Variants in CCSER1 observed in about 807,000 individuals in gnomAD.
CCSER1 encodes the protein coiled-coil serine rich protein 1, also known as serine-rich coiled-coil domain-containing protein 1.
Under a neutral mutation model 82.0 loss-of-function variants are expected in CCSER1, and 41 were observed. The observed-to-expected ratio is 0.50, with a 90% CI of 0.39 to 0.65. The LOEUF (loss-of-function observed/expected upper bound fraction) is 0.65, where lower values mean the gene tolerates loss of function less well. CCSER1 is among the 30% of genes least tolerant of loss of function. The probability of loss-of-function intolerance (pLI) is 0.00; values close to 1 mark genes in which losing one functional copy is unlikely to be tolerated. For synonymous variants in CCSER1, 414 were observed against 383.9 expected (o/e 1.08, Z -0.92); for missense variants, 1,119 against 1,064.2 (o/e 1.05, Z -0.72).
chr4:91,158,175 G>C (rs548940377), intron 10 of CCSER1, among the ~76,000 whole-genome samples: 2 of 151,950 alleles, frequency 1.3e-5, no homozygotes, highest in African/African-American at 2.4e-5. Flanking sequence ...ACAGTATTTT[G>C]CACTTTCAGA....
At chr4:90,801,415 A>G (rs1243659660) in intron 7 of CCSER1, among the ~76,000 whole-genome samples, 1 of 152,150 alleles carries the variant, frequency 6.6e-6, no homozygotes, top group African/African-American at 2.4e-5. Context: ...CCTCTGTACA[A>G]ATGTAAGGTG....
At chr4:91,079,326 G>C (rs1198197981) in intron 9 of CCSER1, among the ~76,000 whole-genome samples, 2 of 152,108 alleles carry the variant, frequency 1.3e-5, no homozygotes, top group African/African-American at 2.4e-5. Flanking sequence ...GCCAAACTAA[G>C]CTTCATAAGG....
intron 10 of CCSER1, among the ~76,000 whole-genome samples, chr4:91,224,990 C>A (rs2149105690): frequency 6.6e-6 from 1 of 150,834 alleles, no homozygotes; most frequent in African/African-American, 2.4e-5. Flanking sequence ...CAAGATGCTA[C>A]CCCTGAAAAT....
intron 5 of CCSER1, among the ~76,000 whole-genome samples, chr4:90,568,209 G>A (rs763173776): frequency 7.2e-5 from 11 of 152,176 alleles, no homozygotes; most frequent in Admixed American, 2.6e-4. Context: ...TAAGTCGGAT[G>A]TTTCCTTATT....
intron 5 of CCSER1, among the ~76,000 whole-genome samples, chr4:90,610,502 A>C (rs73833729): frequency 0.04 from 6,130 of 152,128 alleles, 408 homozygotes; most frequent in African/African-American, 0.14. Context: ...GATACATATG[A>C]TATAAATATT....
chr4:91,159,334 T>C (rs1213975054), intron 10 of CCSER1, among the ~76,000 whole-genome samples: 2 of 151,926 alleles, frequency 1.3e-5, no homozygotes, highest in African/African-American at 4.8e-5. Flanking sequence ...TTGGAAACCA[T>C]ATTAATTATT....
At chr4:91,179,870 G>A (rs964687000) in intron 10 of CCSER1, among the ~76,000 whole-genome samples, 2 of 152,214 alleles carry the variant, frequency 1.3e-5, no homozygotes, top group African/African-American at 4.8e-5. Context: ...CATTCCTTTG[G>A]AGGAGAAGAG....
At chr4:90,434,149 A>G (rs1758696574) in intron 4 of CCSER1, among the ~76,000 whole-genome samples, 1 of 152,108 alleles carries the variant, frequency 6.6e-6, no homozygotes, top group African/African-American at 2.4e-5. Flanking sequence ...ACAGAATTCT[A>G]GTTTATCCCT....
At chr4:90,648,000 C>T (rs923701199) in intron 6 of CCSER1, among the ~76,000 whole-genome samples, 8 of 152,024 alleles carry the variant, frequency 5.3e-5, no homozygotes, top group South Asian at 2.1e-4. Context: ...ATAATTTATA[C>T]GATATTTTAA....
intron 5 of CCSER1, among the ~76,000 whole-genome samples, chr4:90,518,786 A>G (rs1361200688): frequency 6.6e-6 from 1 of 151,928 alleles, no homozygotes; most frequent in Non-Finnish European, 1.5e-5. Flanking sequence ...TTAATCTTAT[A>G]AAGGCTAAAT....
chr4:90,878,560 T>G (rs2150061173), intron 8 of CCSER1, among the ~76,000 whole-genome samples: 1 of 152,254 alleles, frequency 6.6e-6, no homozygotes, highest in East Asian at 1.9e-4. Context: ...GTGCATGGTC[T>G]AAAATATCAA....
intron 8 of CCSER1, among the ~76,000 whole-genome samples, chr4:90,922,332 G>T (rs777386624): frequency 6.6e-6 from 1 of 151,998 alleles, no homozygotes; most frequent in Non-Finnish European, 1.5e-5. Flanking sequence ...AACAGGAAAG[G>T]AAGGGAGGTG....
chr4:91,020,031 A>G (rs2150523959), intron 9 of CCSER1, among the ~76,000 whole-genome samples: 1 of 152,362 alleles, frequency 6.6e-6, no homozygotes, highest in South Asian at 2.1e-4. Flanking sequence ...ATGAGAGTTA[A>G]TCAGAGCTCC....
intron 6 of CCSER1, among the ~76,000 whole-genome samples, chr4:90,703,636 C>G (rs1040706880): frequency 2.6e-5 from 4 of 151,958 alleles, no homozygotes; most frequent in Admixed American, 6.6e-5. Context: ...CTAAGGACTT[C>G]CTTTATGAAT....
chr4:91,570,106 T>A (rs1306556775), intron 10 of CCSER1, among the ~76,000 whole-genome samples: 1 of 152,152 alleles, frequency 6.6e-6, no homozygotes, highest in Non-Finnish European at 1.5e-5. Context: ...TGCAAAATGA[T>A]CTCCTTTGAC....
At chr4:90,673,888 T>G (rs1733287787) in intron 6 of CCSER1, among the ~76,000 whole-genome samples, 1 of 152,022 alleles carries the variant, frequency 6.6e-6, no homozygotes, top group African/African-American at 2.4e-5. Flanking sequence ...AGCCAGTAAT[T>G]GGGGTGACCA....
chr4:90,186,527 ACTG>A (rs1734646640), intron 1 of CCSER1, among the ~76,000 whole-genome samples: 1 of 151,986 alleles, frequency 6.6e-6, no homozygotes, highest in Non-Finnish European at 1.5e-5. Flanking sequence ...AAATGAGTAA[ACTG>A]CTTCTCAGTA....
chr4:90,523,028 T>C (rs1773327137), intron 5 of CCSER1, among the ~76,000 whole-genome samples: 1 of 152,058 alleles, frequency 6.6e-6, no homozygotes, highest in African/African-American at 2.4e-5. Context: ...CCTACCTCTA[T>C]GGTCATCCTG....
At chr4:91,306,062 TG>T (rs1745051450) in intron 10 of CCSER1, among the ~76,000 whole-genome samples, 2 of 137,606 alleles carry the variant, frequency 1.5e-5, no homozygotes, top group African/African-American at 6.0e-5. Context: ...AGTGTGTTTG[TG>T]TGTGTGTGTG....
Sources: allele counts gnomAD v4.1 joint callset (sites outside exome capture counted in the v4.1 genomes callset), GRCh38; gene constraint gnomAD v4.1.1; transcripts MANE v1.5; gene names NCBI Gene and HGNC (gene_info 2026-07-23, HGNC 2026-07-21).